Variants in RBP2 observed in about 807,000 individuals in gnomAD.
RBP2 encodes the protein retinol binding protein 2.
Under a neutral mutation model 17.0 loss-of-function variants are expected in RBP2, and 17 were observed. That is an observed-to-expected ratio of 1.00 (90% confidence interval 0.68 to 1.50). The LOEUF (loss-of-function observed/expected upper bound fraction) is 1.50. Among genes scored for constraint, RBP2 ranks in the 40% most tolerant of loss-of-function variants. The pLI, the probability that RBP2 is intolerant of heterozygous loss-of-function variation, is 0.00. For synonymous variants in RBP2, 48 were observed against 57.1 expected, an observed-to-expected ratio of 0.84 and a Z score of 0.72; for missense variants, 158 against 168.2, an observed-to-expected ratio of 0.94 and a Z score of 0.33.
At chr3:139,457,084 C>T (rs6439862) in intron 2 of RBP2, among the ~76,000 whole-genome samples, 95,249 of 152,146 alleles carry the variant, frequency 0.63, 32,547 homozygotes, top group East Asian at 0.96. Flanking sequence ...CACGTGTTGG[C>T]TGAATTGATG....
At chr3:139,453,206 G>A (rs776442865) in intron 3 of RBP2, 40 bp from the exon 4 acceptor site, 4 of 1,611,930 alleles carry the variant, frequency 2.5e-6, no homozygotes, top group Non-Finnish European at 3.4e-6. Context: ...AACAAGCCAG[G>A]CCTTTCTTCT....
At chr3:139,465,526 A>G (rs947202344) in intron 1 of RBP2, among the ~76,000 whole-genome samples, 1 of 152,162 alleles carries the variant, frequency 6.6e-6, no homozygotes, top group Non-Finnish European at 1.5e-5. Flanking sequence ...TGGTACTTGA[A>G]CTTAGGATGA....
At chr3:139,476,214 T>G (rs1322231362) in intron 1 of RBP2, among the ~76,000 whole-genome samples, 173 bp downstream of exon 1, 2 of 152,074 alleles carry the variant, frequency 1.3e-5, no homozygotes, top group Non-Finnish European at 2.9e-5. Context: ...AGTTTCCAGA[T>G]GAGAAAACTG....
chr3:139,456,820 T>C (rs1932984912), intron 2 of RBP2, among the ~76,000 whole-genome samples: 1 of 152,178 alleles, frequency 6.6e-6, no homozygotes, highest in South Asian at 2.1e-4. Flanking sequence ...AAAAAAAAGG[T>C]CTCCTTTTCC....
intron 1 of RBP2, among the ~76,000 whole-genome samples, chr3:139,474,462 C>T (rs1332678053): frequency 6.6e-6 from 1 of 152,216 alleles, no homozygotes; most frequent in Non-Finnish European, 1.5e-5. Context: ...TCTAAGTCAT[C>T]ATAGGACTTT....
chr3:139,453,869 G>A (rs1943352476), intron 3 of RBP2, among the ~76,000 whole-genome samples: 1 of 152,202 alleles, frequency 6.6e-6, no homozygotes, highest in African/African-American at 2.4e-5. Flanking sequence ...ACCAGTGCAG[G>A]TAGGGAAAGC....
intron 1 of RBP2, among the ~76,000 whole-genome samples, chr3:139,472,144 A>G (rs536192249): frequency 1.3e-5 from 2 of 152,308 alleles, no homozygotes; most frequent in African/African-American, 4.8e-5. Context: ...AGCCCCACCA[A>G]GAAGTACTCA....
chr3:139,470,692 C>G (rs932198569), intron 1 of RBP2, among the ~76,000 whole-genome samples: 15 of 152,012 alleles, frequency 9.9e-5, no homozygotes, highest in Non-Finnish European at 2.1e-4. Flanking sequence ...GATTCTCCCC[C>G]CTCAGCCTCC....
intron 2 of RBP2, among the ~76,000 whole-genome samples, chr3:139,456,735 A>AT (rs903371526): frequency 1.6e-4 from 24 of 152,134 alleles, no homozygotes; most frequent in East Asian, 9.6e-4. Flanking sequence ...TTACTTTTTG[A>AT]TTTTTTTTAA....
rs369696530 is a variant in RBP2, at chr3:139,468,447, CTTA to C, written c.74-6160_74-6158del. Among the ~76,000 whole-genome samples, 78 of 152,286 alleles carry C rather than the reference CTTA, an allele frequency of 5.1e-4. 3 individuals carry two copies. In the East Asian group the frequency reaches 0.015, roughly 29 times the overall value. ...TCTTTCTGACCAGTGCCGGGGGAAT[CTTA>C]TTAGAAGACTATGCAAATGGAATCA... On this transcript the variant is annotated intron_variant, in intron 1 of 3. Transcript: ENST00000232217.
chr3:139,472,736 A>G (rs1933607491), intron 1 of RBP2, among the ~76,000 whole-genome samples: 1 of 152,234 alleles, frequency 6.6e-6, no homozygotes, highest in African/African-American at 2.4e-5. Flanking sequence ...CCCCAGAACC[A>G]TGAGAAATAA....
chr3:139,474,954 C>T (rs560783859), intron 1 of RBP2, among the ~76,000 whole-genome samples: 5 of 152,078 alleles, frequency 3.3e-5, no homozygotes, highest in Admixed American at 1.3e-4. Context: ...CTTCCTCCTC[C>T]CAACTATATT....
intron 1 of RBP2, among the ~76,000 whole-genome samples, chr3:139,464,186 C>G (rs1933284949): frequency 6.6e-6 from 1 of 152,072 alleles, no homozygotes; most frequent in African/African-American, 2.4e-5. Context: ...GGGTCTGGGC[C>G]TGGTGGCTCA....
At chr3:139,474,837 C>T (rs1933680327) in intron 1 of RBP2, among the ~76,000 whole-genome samples, 1 of 152,130 alleles carries the variant, frequency 6.6e-6, no homozygotes, top group African/African-American at 2.4e-5. Flanking sequence ...TCCATTTACC[C>T]ATGTGTAGTA....
chr3:139,464,364 G>A lies in RBP2; in HGVS notation c.74-2074C>T, dbSNP rs144905069. ...TCCTAGCTACTCGGGAGGCTGAGGC[G>A]GGAGAATCACTTGAACCCGGGAGGC... On this transcript the variant is annotated intron_variant, in intron 1 of 3. Transcript: ENST00000232217. 5.9e-3 allele frequency among the ~76,000 whole-genome samples: 892 copies of A among 152,154 alleles called. 11 individuals are homozygous for A. The highest frequency in any genetic ancestry group is 0.019 in the African/African-American group (796 of 41,500).
intron 1 of RBP2, among the ~76,000 whole-genome samples, chr3:139,475,729 A>C (rs1346344575): frequency 1.3e-5 from 2 of 152,194 alleles, no homozygotes; most frequent in Non-Finnish European, 2.9e-5. Context: ...CACTCACTCT[A>C]GTCCCAGGCA....
At chr3:139,458,128 A>G (rs1446053399) in intron 2 of RBP2, among the ~76,000 whole-genome samples, 2 of 152,174 alleles carry the variant, frequency 1.3e-5, no homozygotes, top group African/African-American at 4.8e-5. Flanking sequence ...CTTGGTAAAG[A>G]GTGTACAGGT....
In RBP2 at chr3:139,462,226, A is replaced by G. The variant is rs1015645284; in HGVS notation, c.138T>C (p.Asp46=). 5 of 1,614,102 alleles carry G rather than the reference A, an allele frequency of 3.1e-6. No individual in the cohort carries two copies. The highest frequency in any genetic ancestry group is 3.3e-5 in the Admixed American group (2 of 60,022). The change falls in exon 2 of 4, where the codon GAT becomes GAC. Residue 46 remains aspartate, a synonymous_variant. Transcript: ENST00000232217. Reference sequence around the variant, plus strand: ...TGGTTTTTGTCTTGAAGTTATCACCATCTTGATCAATAACCTTCGTCTGAG... The same window carrying G: ...TGGTTTTTGTCTTGAAGTTATCACCGTCTTGATCAATAACCTTCGTCTGAG... The part of the protein sequence containing the change: ...RLTQTKVIDQ[D]GDNFKTKTTS...
intron 1 of RBP2, chr3:139,466,676 T>G (rs1222490536): frequency 6.6e-6 from 1 of 152,228 alleles, no homozygotes; most frequent in East Asian, 1.9e-4. Flanking sequence ...CACCTTGTTG[T>G]GAGGATCAAA....
Sources: gnomAD v4.1 joint callset for allele counts (sites outside exome capture counted in the v4.1 genomes callset) on GRCh38, gnomAD v4.1.1 for gene constraint, MANE v1.5 for transcripts, NCBI Gene and HGNC (gene_info 2026-07-23, HGNC 2026-07-21) for gene names.